DYTN: variants seen among roughly 807,000 people sequenced by gnomAD.
The protein encoded by DYTN is dystrotelin.
Under a neutral mutation model 69.6 loss-of-function variants are expected in DYTN, and 75 were observed. That is an observed-to-expected ratio of 1.08 (90% confidence interval 0.89 to 1.31). The LOEUF (loss-of-function observed/expected upper bound fraction) is 1.31. Among genes scored for constraint, DYTN ranks in the 50% most tolerant of loss-of-function variants. DYTN has a pLI of 0.00. For missense variants in DYTN, 726 were observed against 688.4 expected, an observed-to-expected ratio of 1.05 and a Z score of -0.61; for synonymous variants, 252 against 249.1, an observed-to-expected ratio of 1.01 and a Z score of -0.11.
chr2:206,678,759 G>A (rs769350691), intron 9 of DYTN, among the ~76,000 whole-genome samples: 1 of 152,122 alleles, frequency 6.6e-6, no homozygotes, highest in African/African-American at 2.4e-5. Flanking sequence ...TGACAGTGGG[G>A]TAATAGCGGA....
rs1274419866 is a variant in DYTN at position 206,656,856 on chromosome 2, G to A, written c.1634-4935C>T. ...TGGTTCACCGCAACCTCTGCCTCCC[G>A]GGTTCAAGTGATTCTCCTGCCTCAG... On this transcript the variant is annotated intron_variant, in intron 11 of 11. Coordinates refer to ENST00000452335, the MANE Select transcript of DYTN (RefSeq NM_001093730.1). 4.0e-5 allele frequency among the ~76,000 whole-genome samples: 6 copies of A among 150,800 alleles called. No individual in the cohort carries two copies. In the East Asian group the frequency reaches 5.9e-4, roughly 15 times the overall value.
chr2:206,695,653 C>T (rs934734633), intron 7 of DYTN, among the ~76,000 whole-genome samples: 5 of 152,198 alleles, frequency 3.3e-5, no homozygotes, highest in African/African-American at 1.2e-4. Flanking sequence ...TAGCAGTCAT[C>T]AGTTAGTAAC....
intron 2 of DYTN, among the ~76,000 whole-genome samples, chr2:206,708,408 C>T (rs376207957): frequency 1.8e-4 from 27 of 152,246 alleles, no homozygotes; most frequent in African/African-American, 5.3e-4. Flanking sequence ...CTCTCTACTT[C>T]GTAAATCAAC....
intron 9 of DYTN, among the ~76,000 whole-genome samples, chr2:206,666,317 T>C (rs1699572109): frequency 6.6e-6 from 1 of 152,122 alleles, no homozygotes; most frequent in Non-Finnish European, 1.5e-5. Flanking sequence ...TGCCTGGCTA[T>C]TGGAAAACCC....
Position 206,706,003 on chromosome 2 carries a change from C to T in DYTN, c.297-130G>A, listed in dbSNP as rs896859557. ...GCTATAAGTTCCAACTTTTTGTGGCCTCTTATCCTATACCTAGAATTTAGC... is the reference window on the plus strand; with the variant it reads ...GCTATAAGTTCCAACTTTTTGTGGCTTCTTATCCTATACCTAGAATTTAGC... On this transcript the variant is annotated intron_variant, in intron 3 of 11. Coordinates refer to ENST00000452335, the MANE Select transcript of DYTN (RefSeq NM_001093730.1). The T allele has an allele frequency of 2.7e-5, 23 of 850,220 alleles. No homozygotes were observed. In the African/African-American group the frequency reaches 3.6e-4, roughly 13 times the overall value. 52.7% of individuals were successfully genotyped at this position (850,220 alleles called of 1,614,324 possible).
chr2:206,699,930 G>A (rs763254778), intron 6 of DYTN, 40 bp from the exon 7 acceptor site: 37 of 1,587,214 alleles, frequency 2.3e-5, no homozygotes, highest in Admixed American at 1.1e-4. Flanking sequence ...TTTTAGGCAC[G>A]ACTTGATATT....
At chr2:206,658,461 A>AT (rs145675108) in intron 11 of DYTN, among the ~76,000 whole-genome samples, 20,353 of 151,758 alleles carry the variant, frequency 0.13, 1,422 homozygotes, top group East Asian at 0.17. Context: ...GACTGGCCTC[A>AT]TACAGAAGAC....
chr2:206,691,713 AATAG>A (rs1208372593), intron 9 of DYTN, among the ~76,000 whole-genome samples: 1 of 152,220 alleles, frequency 6.6e-6, no homozygotes, highest in East Asian at 1.9e-4. Context: ...ACATAGGAAT[AATAG>A]ATAGCATCTA....
intron 9 of DYTN, among the ~76,000 whole-genome samples, chr2:206,680,738 A>G (rs952530592): frequency 6.6e-6 from 1 of 152,168 alleles, no homozygotes; most frequent in African/African-American, 2.4e-5. Flanking sequence ...ACCCTATTCT[A>G]AAGTGAATCC....
rs775532913 is a variant in DYTN, at chr2:206,665,968, C to G, written c.1042G>C (p.Glu348Gln). 3.1e-6 allele frequency: 5 copies of G among 1,613,782 alleles called. No individual in the cohort carries two copies. In the Middle Eastern group the frequency reaches 4.9e-4, roughly 159 times the overall value. Reference sequence around the variant, plus strand: ...GTTTCAAATCGACAAATTCTTTCTTCCTGGGAGGTGTATATAGCTTGCAAC... The same window carrying G: ...GTTTCAAATCGACAAATTCTTTCTTGCTGGGAGGTGTATATAGCTTGCAAC... ...DKLQAIYTSQEERICRFETRI... is the reference protein window; with the variant it reads ...DKLQAIYTSQQERICRFETRI... Residue 348 changes from glutamate (E) to glutamine (Q), a missense_variant, in exon 10 of 12, where the codon GAA becomes CAA. Coordinates refer to ENST00000452335, the MANE Select transcript of DYTN (RefSeq NM_001093730.1).
intron 9 of DYTN, among the ~76,000 whole-genome samples, chr2:206,679,748 A>G (rs1699729857): frequency 6.6e-6 from 1 of 152,328 alleles, no homozygotes; most frequent in African/African-American, 2.4e-5. Flanking sequence ...ACAAGACACA[A>G]TGAGAACATA....
At chr2:206,672,376 A>T (rs546856485) in intron 9 of DYTN, among the ~76,000 whole-genome samples, 2 of 152,374 alleles carry the variant, frequency 1.3e-5, no homozygotes, top group East Asian at 3.9e-4. Context: ...TGGATGTTAC[A>T]GTGAAGAAAA....
chr2:206,663,006 T>C lies in DYTN; in HGVS notation c.1530A>G (p.Lys510=). The C allele has an allele frequency of 6.2e-7, 1 of 1,613,910 alleles. No individual in the cohort carries two copies. Among genetic ancestry groups the C allele is most frequent in the Non-Finnish European group, 8.5e-7 (1 of 1,179,870 alleles). The change falls in exon 11 of 12, where the codon AAA becomes AAG. Residue 510 remains lysine, a synonymous_variant. Coordinates refer to ENST00000452335, the MANE Select transcript of DYTN (RefSeq NM_001093730.1). The part of the protein sequence containing the change: ...SSPALAAVEK[K]EAGNIKERKD... ...TTCTCTCCTTGATGTTACCTGCCTC[T>C]TTCTTTTCCACGGCTGCCAGAGCAG...
chr2:206,683,692 A>G (rs567063233), intron 9 of DYTN, among the ~76,000 whole-genome samples: 1 of 152,082 alleles, frequency 6.6e-6, no homozygotes, highest in South Asian at 2.1e-4. Context: ...CAATCATGCT[A>G]GCCCCCTTGC....
Position 206,666,030 on chromosome 2 carries a change from C to G in DYTN, c.981-1G>C. ...TTGGTTTAACTGTTTTTTAAGGAGC[C>G]TGAAAAGAGAACAGATTTGAGCGGT... On this transcript the variant is annotated splice_acceptor_variant, in intron 9 of 11. Transcript: ENST00000452335. LOFTEE classifies it high-confidence loss of function. 3 of 1,613,252 alleles carry G rather than the reference C, an allele frequency of 1.9e-6. No homozygotes were observed. Among genetic ancestry groups the G allele is most frequent in the Non-Finnish European group, 2.5e-6 (3 of 1,179,548 alleles).
chr2:206,680,301 A>G (rs893708020), intron 9 of DYTN, among the ~76,000 whole-genome samples: 32 of 152,188 alleles, frequency 2.1e-4, no homozygotes, highest in African/African-American at 7.2e-4. Context: ...CATGGGAAAA[A>G]CCTGCCCCCA....
chr2:206,653,897 G>T (rs1377714371), intron 11 of DYTN, among the ~76,000 whole-genome samples: 1 of 152,160 alleles, frequency 6.6e-6, no homozygotes, highest in Non-Finnish European at 1.5e-5. Context: ...TCATCTCTTG[G>T]CTAGACTGCA....
At chr2:206,669,040 A>G (rs1324447681) in intron 9 of DYTN, among the ~76,000 whole-genome samples, 1 of 152,226 alleles carries the variant, frequency 6.6e-6, no homozygotes, top group African/African-American at 2.4e-5. Flanking sequence ...ACCCAGTCTC[A>G]GGCGTTTCTT....
rs1574605765 is a variant in DYTN, at chr2:206,713,083, C to T, written c.20-2485G>A. Among the ~76,000 whole-genome samples the T allele has an allele frequency of 2.6e-5, 4 of 152,142 alleles. No individual in the cohort carries two copies. The East Asian group carries it at 5.8e-4, about 22-fold the overall frequency. ...AATGTCCCAGCCCAGGAAAGCTAGTCCTTCCTTTGGTTATTTAATTTATTT... is the reference window on the plus strand; with the variant it reads ...AATGTCCCAGCCCAGGAAAGCTAGTTCTTCCTTTGGTTATTTAATTTATTT... On this transcript the variant is annotated intron_variant, in intron 1 of 11. Transcript: ENST00000452335.
Sources: gnomAD v4.1 joint callset for allele counts (sites outside exome capture counted in the v4.1 genomes callset) on GRCh38, gnomAD v4.1.1 for gene constraint, MANE v1.5 for transcripts, NCBI Gene and HGNC (gene_info 2026-07-23, HGNC 2026-07-21) for gene names.